Variants in TNKS observed in about 807,000 individuals in gnomAD.
The protein encoded by TNKS is poly [ADP-ribose] polymerase tankyrase-1.
TNKS carries 72 observed loss-of-function variants against 135.8 expected under a neutral mutation model. The ratio of observed to expected loss-of-function variants is 0.53; its 90% confidence interval spans 0.44 to 0.64. The LOEUF is 0.64. Among genes scored for constraint, TNKS ranks in the 30% least tolerant of loss-of-function variants. The pLI, the probability that TNKS is intolerant of heterozygous loss-of-function variation, is 0.00. For missense variants in TNKS, 1,769 were observed against 1,674.0 expected (o/e 1.06, Z -0.99); for synonymous variants, 849 against 649.3 (o/e 1.31, Z -4.68).
At chr8:9,702,847 C>G (rs560613057) in intron 5 of TNKS, among the ~76,000 whole-genome samples, 1 of 152,176 alleles carries the variant, frequency 6.6e-6, no homozygotes. Context: ...GACACCTCAG[C>G]TCAAGTGAAA....
rs141212876 is a variant in TNKS, at chr8:9,630,825, A to G, written c.994+15148A>G. On this transcript the variant is annotated intron_variant, in intron 3 of 26. Transcript: ENST00000310430. ...AAGAAAGAGATTCTAAAACTTTTCT[A>G]TTCAATTGACATTTATTGATTGCCT... 3.0e-3 allele frequency among the ~76,000 whole-genome samples: 463 copies of G among 152,352 alleles called. 4 individuals are homozygous for G. The highest frequency in any genetic ancestry group is 0.01 in the African/African-American group (431 of 41,590).
At chr8:9,601,296 G>C (rs6984724) in intron 2 of TNKS, among the ~76,000 whole-genome samples, 11,047 of 152,072 alleles carry the variant, frequency 0.073, 1,358 homozygotes, top group African/African-American at 0.25. Flanking sequence ...TTTAAAACAT[G>C]AACTTTAAAT....
At chr8:9,672,907 A>G (rs1802364725) in intron 3 of TNKS, among the ~76,000 whole-genome samples, 1 of 151,974 alleles carries the variant, frequency 6.6e-6, no homozygotes, top group South Asian at 2.1e-4. Context: ...TTTTTAATAT[A>G]TCAAAAAGTT....
intron 12 of TNKS, among the ~76,000 whole-genome samples, chr8:9,724,953 G>C (rs959938815): frequency 3.6e-4 from 28 of 76,788 alleles, no homozygotes; most frequent in African/African-American, 9.9e-4. Context: ...AAAATACTCA[G>C]TTATAACTCT....
rs775615207 is a variant in TNKS at position 9,710,146 on chromosome 8, A to C, written c.1675A>C (p.Met559Leu). 2 of 1,614,164 alleles carry C rather than the reference A, an allele frequency of 1.2e-6. No individual in the cohort carries two copies. The highest frequency in any genetic ancestry group is 4.5e-5 in the East Asian group (2 of 44,884). ...TTTCTTTCCTCTTTTCTGTAGTTTC[A>C]TGACTCCCCTGCATGTTGCAGCCGA... The part of the protein sequence containing the change: ...ANVNEKNKDF[M>L]TPLHVAAERA... The change falls in exon 11 of 27, where the codon ATG becomes CTG. Residue 559 changes from methionine to leucine, a missense_variant. Transcript: ENST00000310430.
At chr8:9,755,845 C>A (rs917241341) in intron 20 of TNKS, among the ~76,000 whole-genome samples, 4 of 152,082 alleles carry the variant, frequency 2.6e-5, no homozygotes, top group African/African-American at 9.7e-5. Context: ...AGAAAACCTT[C>A]GGCACATCAT....
intron 11 of TNKS, among the ~76,000 whole-genome samples, chr8:9,712,396 C>G (rs1289391690): frequency 1.3e-5 from 2 of 151,942 alleles, no homozygotes; most frequent in African/African-American, 4.8e-5. Flanking sequence ...AGGAAGATCA[C>G]TTGATCCCAG....
chr8:9,718,787 A>G (rs1325006645), intron 11 of TNKS, among the ~76,000 whole-genome samples: 2 of 152,216 alleles, frequency 1.3e-5, no homozygotes, highest in African/African-American at 4.8e-5. Flanking sequence ...GAGGGGTAAC[A>G]TTAAATGTAG....
At chr8:9,575,248 GGCT>G in intron 1 of TNKS, 1 of 501,812 alleles carries the variant, frequency 2.0e-6, no homozygotes, top group South Asian at 8.5e-5. Flanking sequence ...CACCACGCAG[GGCT>G]AATTTTTTGT....
rs1015634228 is a variant in TNKS, at chr8:9,602,205, G to C, written c.899-13377G>C. ...GCAAAAGCCCGAGCCTGACTACTTA[G>C]GCTGTTAAAGATGCAACAAGCCACT... On this transcript the variant is annotated intron_variant, in intron 2 of 26. Coordinates refer to ENST00000310430, the MANE Select transcript of TNKS (RefSeq NM_003747.3). Among the ~76,000 whole-genome samples the C allele has an allele frequency of 2.0e-5, 3 of 152,136 alleles. No homozygotes were observed. In the East Asian group the frequency reaches 5.8e-4, roughly 29 times the overall value.
In TNKS at chr8:9,776,952, G is replaced by A. The variant is rs1808253263; in HGVS notation, c.*216G>A. On this transcript the variant is annotated 3_prime_UTR_variant, in exon 27 of 27. Transcript: ENST00000310430. ...CTTTGAGGAAATGTTTACAGGGGCG[G>A]CCTTTTAACATATCTCAGGCTCATT... 2.0e-6 allele frequency: 1 copy of A among 490,240 alleles called. No homozygotes were observed. The highest frequency in any genetic ancestry group is 3.7e-5 in the Admixed American group (1 of 27,098). The allele number at this position is 490,240 out of a possible 1,614,324, so 30.4% of individuals were successfully genotyped here. A position where few individuals can be genotyped will look rare whatever the true frequency, so the allele number is the denominator to read the frequency against.
Position 9,679,997 on chromosome 8 carries a change from T to G in TNKS, c.1031+10T>G. On this transcript the variant is annotated intron_variant, in intron 4 of 26. Transcript: ENST00000310430. ...TCCTAGAAGCTGCTAGGTAAGTGAT[T>G]CCATTCATTTTAAGTGTATATAATG... is the stretch of plus-strand genomic sequence containing the variant. The G allele has an allele frequency of 1.2e-6, 2 of 1,607,410 alleles. No individual in the cohort carries two copies. The highest frequency in any genetic ancestry group is 1.7e-6 in the Non-Finnish European group (2 of 1,173,946).
chr8:9,680,339 A>C (rs1380004802), intron 4 of TNKS, among the ~76,000 whole-genome samples: 2 of 151,622 alleles, frequency 1.3e-5, no homozygotes, highest in African/African-American at 4.8e-5. Context: ...AAATGTTAAA[A>C]TCCTCATCTA....
At chr8:9,629,653 T>G (rs1800206982) in intron 3 of TNKS, among the ~76,000 whole-genome samples, 1 of 152,234 alleles carries the variant, frequency 6.6e-6, no homozygotes, top group African/African-American at 2.4e-5. Flanking sequence ...AAATTTTTGC[T>G]TAACTACTTT....
intron 17 of TNKS, among the ~76,000 whole-genome samples, chr8:9,747,180 G>T (rs181902992): frequency 2.0e-5 from 3 of 152,012 alleles, no homozygotes; most frequent in African/African-American, 7.2e-5. Context: ...ACCGCACCCA[G>T]CCCCTACTTA....
chr8:9,558,453 G>A (rs561515707), intron 1 of TNKS: 2 of 152,248 alleles, frequency 1.3e-5, no homozygotes, highest in African/African-American at 2.4e-5. Context: ...ATCAACAGAG[G>A]TGTCTACTTT....
intron 9 of TNKS, 92 bp downstream of exon 9, chr8:9,708,584 T>C: frequency 8.0e-7 from 1 of 1,257,016 alleles, no homozygotes; most frequent in Non-Finnish European, 1.0e-6. Flanking sequence ...AAAGTAACTT[T>C]AGTATCTGAA....
intron 3 of TNKS, among the ~76,000 whole-genome samples, chr8:9,661,077 T>G (rs947969198): frequency 1.3e-5 from 2 of 151,732 alleles, no homozygotes; most frequent in African/African-American, 4.8e-5. Context: ...CTCAATGAAA[T>G]AAAAGAGGAT....
chr8:9,731,106 T>C, intron 14 of TNKS, 71 bp downstream of exon 14: 1 of 1,413,284 alleles, frequency 7.1e-7, no homozygotes, highest in Non-Finnish European at 9.3e-7. Context: ...ATTTTTGAAG[T>C]CTTAGATTTT....
Sources: allele counts gnomAD v4.1 joint callset (sites outside exome capture counted in the v4.1 genomes callset), GRCh38; gene constraint gnomAD v4.1.1; transcripts MANE v1.5; gene names NCBI Gene and HGNC (gene_info 2026-07-23, HGNC 2026-07-21).